The following REEP1 variants were observed in gnomAD, a reference collection of about 807,000 sequenced individuals.
The protein encoded by REEP1 is receptor accessory protein 1, also known as receptor expression-enhancing protein 1.
REEP1 carries 22 observed loss-of-function variants against 40.3 expected under a neutral mutation model. The ratio of observed to expected loss-of-function variants is 0.55; its 90% CI spans 0.39 to 0.78. REEP1 has a LOEUF of 0.78. REEP1 is among the 30% of genes least tolerant of loss of function. REEP1 has a pLI of 0.00. For synonymous variants in REEP1, 116 were observed against 139.2 expected, an observed-to-expected ratio of 0.83 and a Z score of 1.17; for missense variants, 280 against 361.1, an observed-to-expected ratio of 0.78 and a Z score of 1.82.
intron 1 of REEP1, among the ~76,000 whole-genome samples, chr2:86,294,767 A>ATAGATAGATAGG (rs1678895385): frequency 1.3e-5 from 2 of 151,136 alleles, no homozygotes; most frequent in African/African-American, 2.4e-5. Flanking sequence ...AGATAGATAG[A>ATAGATAGATAGG]TAGGTTTCTA....
At chr2:86,234,395 G>A (rs576299074) in intron 5 of REEP1, among the ~76,000 whole-genome samples, 3 of 152,232 alleles carry the variant, frequency 2.0e-5, no homozygotes, top group African/African-American at 7.2e-5. Context: ...GTATATGTCT[G>A]TAGTTCCGGC....
At chr2:86,300,846 T>TA (rs1433598580) in intron 1 of REEP1, among the ~76,000 whole-genome samples, 2 of 152,196 alleles carry the variant, frequency 1.3e-5, no homozygotes, top group African/African-American at 4.8e-5. Context: ...TGGGTCCCCT[T>TA]AGCCTTCTCT....
chr2:86,306,066 A>G (rs897083188), intron 1 of REEP1, among the ~76,000 whole-genome samples: 4 of 152,278 alleles, frequency 2.6e-5, no homozygotes, highest in African/African-American at 9.6e-5. Context: ...AAAACTGCCA[A>G]ACTTTTTTTT....
chr2:86,322,714 G>A (rs375624142), intron 1 of REEP1, among the ~76,000 whole-genome samples: 83 of 152,134 alleles, frequency 5.5e-4, no homozygotes, highest in African/African-American at 1.9e-3. Context: ...TCAGCCTCCC[G>A]AAGTGCTAGG....
rs184702716 is a variant in REEP1 at position 86,322,972 on chromosome 2, A to G, written c.32+14507T>C. ...CAGGCAGAGGTGGGAGAATTGCTTA[A>G]GGTCAGGAGTTCAAGACTAGCATGG... On this transcript the variant is annotated intron_variant, in intron 1 of 8. Coordinates refer to ENST00000538924, the MANE Select transcript of REEP1 (RefSeq NM_001371279.1). Among the ~76,000 whole-genome samples the G allele has an allele frequency of 5.9e-5, 9 of 152,272 alleles. No individual in the cohort carries two copies. The East Asian group carries it at 1.2e-3, about 20-fold the overall frequency.
intron 2 of REEP1, among the ~76,000 whole-genome samples, chr2:86,267,212 G>A (rs1337186305): frequency 6.6e-6 from 1 of 152,096 alleles, no homozygotes; most frequent in African/African-American, 2.4e-5. Flanking sequence ...GTCAGAGGAG[G>A]GACTTGGTGG....
In REEP1 at chr2:86,266,795, C is replaced by T. The variant is rs1677166167; in HGVS notation, c.106-2754G>A. Reference sequence around the variant, plus strand: ...GGCCGAGGTGGGTGGATCACGAGGTCAGGAGATCGAGACCATCCTGGCTAA... The same window carrying T: ...GGCCGAGGTGGGTGGATCACGAGGTTAGGAGATCGAGACCATCCTGGCTAA... On this transcript the variant is annotated intron_variant, in intron 2 of 8. Coordinates refer to ENST00000538924, the MANE Select transcript of REEP1 (RefSeq NM_001371279.1). Among the ~76,000 whole-genome samples, 4 of 151,502 alleles carry T rather than the reference C, an allele frequency of 2.6e-5. No homozygotes were observed. The South Asian group carries it at 8.3e-4, about 32-fold the overall frequency.
chr2:86,328,346 C>G (rs1176428454), intron 1 of REEP1, among the ~76,000 whole-genome samples: 1 of 152,186 alleles, frequency 6.6e-6, no homozygotes, highest in Non-Finnish European at 1.5e-5. Flanking sequence ...TGTGACAAGA[C>G]TAAATTTTAC....
At chr2:86,231,413 A>G (rs1675008732) in intron 6 of REEP1, among the ~76,000 whole-genome samples, 1 of 152,204 alleles carries the variant, frequency 6.6e-6, no homozygotes, top group Non-Finnish European at 1.5e-5. Flanking sequence ...GAGGGAGGAA[A>G]TGGACGGAGC....
At chr2:86,257,687 A>G (rs1676641254) in intron 3 of REEP1, among the ~76,000 whole-genome samples, 5 of 150,998 alleles carry the variant, frequency 3.3e-5, no homozygotes, top group Admixed American at 3.3e-4. Flanking sequence ...CGCAGGCTGC[A>G]AATGCAGTGG....
intron 1 of REEP1, among the ~76,000 whole-genome samples, chr2:86,317,707 A>G (rs1324685852): frequency 6.6e-6 from 1 of 152,252 alleles, no homozygotes; most frequent in African/African-American, 2.4e-5. Context: ...ATGATATAGT[A>G]AAAATCATCA....
chr2:86,320,660 C>T (rs907910097), intron 1 of REEP1, among the ~76,000 whole-genome samples: 1 of 151,974 alleles, frequency 6.6e-6, no homozygotes, highest in Non-Finnish European at 1.5e-5. Flanking sequence ...TAAAATATGG[C>T]CAGTTTTGAA....
At chr2:86,281,000 G>C (rs971944499) in intron 2 of REEP1, among the ~76,000 whole-genome samples, 1 of 152,176 alleles carries the variant, frequency 6.6e-6, no homozygotes, top group African/African-American at 2.4e-5. Context: ...GGACACTTAG[G>C]CTCTCGGAAG....
intron 2 of REEP1, among the ~76,000 whole-genome samples, chr2:86,275,627 C>T (rs552779413): frequency 6.6e-6 from 1 of 152,324 alleles, no homozygotes; most frequent in African/African-American, 2.4e-5. Flanking sequence ...TCTGTTTACC[C>T]TGTCTTGCCT....
intron 1 of REEP1, among the ~76,000 whole-genome samples, chr2:86,298,961 C>A (rs1416819716): frequency 3.3e-5 from 5 of 152,126 alleles, no homozygotes; most frequent in African/African-American, 1.2e-4. Context: ...GTGTTTTCAT[C>A]TTTGTGGCTG....
intron 1 of REEP1, among the ~76,000 whole-genome samples, chr2:86,288,718 T>G (rs910794973): frequency 3.3e-5 from 5 of 152,202 alleles, no homozygotes; most frequent in Admixed American, 2.6e-4. Flanking sequence ...CAATTTATAC[T>G]CCTTCCTGCA....
chr2:86,268,076 C>T (rs1429256786), intron 2 of REEP1, among the ~76,000 whole-genome samples: 1 of 152,028 alleles, frequency 6.6e-6, no homozygotes, highest in African/African-American at 2.4e-5. Flanking sequence ...AGATGATTTC[C>T]TCCTAAGATC....
At chr2:86,243,342 T>A (rs943078909) in intron 5 of REEP1, among the ~76,000 whole-genome samples, 1 of 152,184 alleles carries the variant, frequency 6.6e-6, no homozygotes, top group African/African-American at 2.4e-5. Flanking sequence ...ACCTCTAGGT[T>A]CCACCAGGCC....
At chr2:86,336,166 G>A in intron 1 of REEP1, among the ~76,000 whole-genome samples, 1 of 152,112 alleles carries the variant, frequency 6.6e-6, no homozygotes, top group East Asian at 1.9e-4. Flanking sequence ...TATTCATGTC[G>A]GCTCTGCCAG....
Sources: allele counts gnomAD v4.1 joint callset (sites outside exome capture counted in the v4.1 genomes callset), GRCh38; gene constraint gnomAD v4.1.1; transcripts MANE v1.5; gene names NCBI Gene and HGNC (gene_info 2026-07-23, HGNC 2026-07-21).